The following FSIP2 variants were observed in gnomAD, a reference collection of about 807,000 sequenced individuals.
FSIP2 encodes the protein fibrous sheath-interacting protein 2.
A neutral mutation model predicts 510.5 loss-of-function variants in FSIP2; 367 were observed. The observed-to-expected ratio is 0.72, with a 90% CI of 0.66 to 0.78. FSIP2 has a LOEUF of 0.78. Ranked by LOEUF, FSIP2 falls within the 30% of genes least tolerant of loss-of-function variation. FSIP2 has a pLI of 0.00. For missense variants in FSIP2, 7,594 were observed against 7,901.7 expected, an observed-to-expected ratio of 0.96 and a Z score of 1.48; for synonymous variants, 2,601 against 2,732.2, an observed-to-expected ratio of 0.95 and a Z score of 1.50.
At chr2:185,738,508 G>A, upstream of FSIP2, 1 of 1,161,118 alleles carries the variant, frequency 8.6e-7, no homozygotes, top group East Asian at 2.6e-5. Flanking sequence ...CAATCACTCG[G>A]GAATTTTTAT....
At chr2:185,777,199 T>C (rs889942151) in intron 13 of FSIP2, among the ~76,000 whole-genome samples, 1 of 152,130 alleles carries the variant, frequency 6.6e-6, no homozygotes, top group Non-Finnish European at 1.5e-5. Flanking sequence ...AATAACAGAG[T>C]GCTGTAAAGT....
Position 185,809,099 on chromosome 2 carries a change from A to C in FSIP2, c.19793A>C (p.Asp6598Ala). 6.3e-7 allele frequency: 1 copy of C among 1,589,978 alleles called. No individual in the cohort carries two copies. Among genetic ancestry groups the C allele is most frequent in the Non-Finnish European group, 8.5e-7 (1 of 1,172,398 alleles). Residue 6598 changes from aspartate to alanine, a missense_variant, in exon 17 of 23, where the codon GAT becomes GCT. Transcript: ENST00000424728. ...AAGACAGAAAGACGTACCTCATTGG[A>C]TAAGACTGGAAGACTGGATGTAAAA... ...KRKTERRTSLDKTGRLDVKPL... is the reference protein window; with the variant it reads ...KRKTERRTSLAKTGRLDVKPL...
Position 185,795,888 on chromosome 2 carries a change from A to G in FSIP2, c.8752A>G (p.Arg2918Gly), listed in dbSNP as rs1248939734. 6.5e-7 allele frequency: 1 copy of G among 1,533,590 alleles called. No homozygotes were observed. Among genetic ancestry groups the G allele is most frequent in the Non-Finnish European group, 8.7e-7 (1 of 1,145,702 alleles). 95.0% of individuals were successfully genotyped at this position (1,533,590 alleles called of 1,614,324 possible). ...TAAAGCACAAATTAATATGTTTGGA[A>G]GGGAAATTGTTGAAATGCTACTTGA... ...DTKAQINMFG[R>G]EIVEMLLEKL... The change falls in exon 16 of 23, where the codon AGG (arginine) becomes GGG (glycine). Residue 2918 changes from arginine to glycine, a missense_variant. Arg to Gly is a moderately radical substitution (Grantham distance 125). Coordinates refer to ENST00000424728, the MANE Select transcript of FSIP2 (RefSeq NM_173651.4).
At position 185,792,684 on chromosome 2, in the gene FSIP2, G is replaced by A. The variant is rs1186121576; in HGVS notation, c.5548G>A (p.Val1850Ile). The stretch of plus-strand genomic sequence containing the variant: ...AGTAACAGATAATATTGTTAGGACT[G>A]TATTTCACAAACTTTATTCAGCTGC... ...TIVTDNIVRTVFHKLYSAAMT... is the reference protein window; with the variant it reads ...TIVTDNIVRTIFHKLYSAAMT... The change falls in exon 16 of 23, where the codon GTA (valine) becomes ATA (isoleucine). Residue 1850 changes from valine to isoleucine, a missense_variant. Physicochemically the swap from Val to Ile is conservative, Grantham distance 29. Coordinates refer to ENST00000424728, the MANE Select transcript of FSIP2 (RefSeq NM_173651.4). The A allele has an allele frequency of 6.5e-7, 1 of 1,533,252 alleles. No homozygotes were observed. The highest frequency in any genetic ancestry group is 8.7e-7 in the Non-Finnish European group (1 of 1,144,984). The allele number at this position is 1,533,252 out of a possible 1,614,324, so 95.0% of individuals were successfully genotyped here. A position where few individuals can be genotyped will look rare whatever the true frequency, so the allele number is the denominator to read the frequency against.
intron 13 of FSIP2, among the ~76,000 whole-genome samples, chr2:185,776,935 G>C (rs1692737611): frequency 6.6e-6 from 1 of 152,042 alleles, no homozygotes; most frequent in Admixed American, 6.5e-5. Flanking sequence ...TGTTGGTCAG[G>C]CTGGTCTCGG....
intron 9 of FSIP2, among the ~76,000 whole-genome samples, 169 bp downstream of exon 9, chr2:185,756,447 T>C (rs542206635): frequency 1.3e-5 from 2 of 151,638 alleles, no homozygotes; most frequent in East Asian, 1.9e-4. Context: ...TTATTGCTTT[T>C]AGAATTTGAT....
chr2:185,740,147 A>C (rs926870581), intron 2 of FSIP2, among the ~76,000 whole-genome samples: 1 of 152,128 alleles, frequency 6.6e-6, no homozygotes, highest in Admixed American at 6.6e-5. Context: ...TATTTTGTCA[A>C]CTTTGCCCCC....
intron 13 of FSIP2, among the ~76,000 whole-genome samples, chr2:185,770,821 T>G (rs554911138): frequency 1.3e-5 from 2 of 152,200 alleles, no homozygotes; most frequent in Non-Finnish European, 2.9e-5. Context: ...TGAGACTTAA[T>G]GTATATTGCC....
In FSIP2 at chr2:185,828,170, C is replaced by T. The variant is rs1266536261; in HGVS notation, c.20488C>T (p.Gln6830Ter). Residue 6830 changes from glutamine to a stop codon, truncating the protein, a stop_gained, in exon 21 of 23, where the codon CAA becomes TAA. Transcript: ENST00000424728. LOFTEE classifies it high-confidence loss of function. ...AKILEESSQE[Q>*]KPEHGNSVKF... is the part of the protein sequence containing the mutation. ...AATCTCTACAGAAAGTTCTCAGGAA[C>T]AAAAGCCAGAGCATGGAAACAGTGT... The T allele has an allele frequency of 6.4e-7, 1 of 1,573,696 alleles. No homozygotes were observed. Among genetic ancestry groups the T allele is most frequent in the East Asian group, 2.2e-5 (1 of 44,464 alleles).
chr2:185,738,581 A>G, upstream of FSIP2: 1 of 1,533,514 alleles, frequency 6.5e-7, no homozygotes, highest in African/African-American at 1.4e-5. Context: ...AACAAAGCTT[A>G]TACGTTTTCG....
chr2:185,830,306 C>G (rs932856152), intron 21 of FSIP2, among the ~76,000 whole-genome samples: 3 of 151,796 alleles, frequency 2.0e-5, no homozygotes, highest in African/African-American at 4.8e-5. Context: ...TCTGACATAG[C>G]CAAGGTTTTG....
chr2:185,807,693 G>A lies in FSIP2; in HGVS notation c.18387G>A (p.Gln6129=). 1.9e-6 allele frequency: 3 copies of A among 1,612,820 alleles called. No individual in the cohort carries two copies. Among genetic ancestry groups the A allele is most frequent in the Non-Finnish European group, 2.5e-6 (3 of 1,179,242 alleles). ...TTCTACGAGAAGTGGCTAGCAATCA[G>A]CTGCAGAGCTATTTTTGTGGAGAGC... ...DLVLREVASN[Q]LQSYFCGELT... is the part of the protein sequence containing the mutation. Residue 6129 remains glutamine (Q), a synonymous_variant, in exon 17 of 23, where the codon CAG becomes CAA. Transcript: ENST00000424728.
intron 13 of FSIP2, among the ~76,000 whole-genome samples, chr2:185,771,012 A>C (rs1355955570): frequency 6.6e-6 from 1 of 152,152 alleles, no homozygotes. Context: ...CTCCAAAATA[A>C]TCTCCCTTGA....
chr2:185,829,936 A>G (rs1435168972), intron 21 of FSIP2, among the ~76,000 whole-genome samples: 1 of 151,910 alleles, frequency 6.6e-6, no homozygotes, highest in South Asian at 2.1e-4. Flanking sequence ...TCTGAGTTGT[A>G]CATATTTGGA....
intron 1 of FSIP2, 86 bp from the exon 2 acceptor site, chr2:185,739,260 C>T: frequency 7.4e-7 from 1 of 1,354,818 alleles, no homozygotes; most frequent in Non-Finnish European, 9.8e-7. Flanking sequence ...TCTTCGGAGT[C>T]TTTGGTTGCA....
chr2:185,829,232 G>T (rs1269270088), intron 21 of FSIP2, among the ~76,000 whole-genome samples: 4 of 151,808 alleles, frequency 2.6e-5, no homozygotes, highest in Non-Finnish European at 5.9e-5. Flanking sequence ...TAAAATTATG[G>T]TTAAAGTTGT....
In FSIP2 at chr2:185,790,735, T is replaced by C. The variant is rs1193133111; in HGVS notation, c.3599T>C (p.Ile1200Thr). 2 of 1,532,950 alleles carry C rather than the reference T, an allele frequency of 1.3e-6. No individual in the cohort carries two copies. Among genetic ancestry groups the C allele is most frequent in the East Asian group, 2.4e-5 (1 of 40,846 alleles). The allele number at this position is 1,532,950 out of a possible 1,614,324, so 95.0% of individuals were successfully genotyped here. Residue 1200 changes from isoleucine (I) to threonine (T), a missense_variant, in exon 16 of 23, where the codon ATT becomes ACT. Physicochemically the swap from Ile to Thr is moderately conservative, Grantham distance 89. Transcript: ENST00000424728. ...TCCATTTCATCATCAGTTCATCAGA[T>C]TTCCTTACATAATTCTGACACTGAA... is the stretch of plus-strand genomic sequence containing the variant. ...KSSISSSVHQISLHNSDTEHI... is the reference protein window; with the variant it reads ...KSSISSSVHQTSLHNSDTEHI...
chr2:185,753,653 T>G (rs1159025844), intron 7 of FSIP2, 69 bp from the exon 8 acceptor site: 1 of 704,882 alleles, frequency 1.4e-6, no homozygotes, highest in Admixed American at 3.6e-5. Flanking sequence ...TGTCACATTT[T>G]AAATGATTTG....
intron 15 of FSIP2, among the ~76,000 whole-genome samples, chr2:185,787,057 AG>A (rs1260379156): frequency 6.6e-6 from 1 of 151,802 alleles, no homozygotes; most frequent in Non-Finnish European, 1.5e-5. Context: ...GTAATAATGT[AG>A]GTTTTTGTTT....
Sources: gnomAD v4.1 joint callset for allele counts (sites outside exome capture counted in the v4.1 genomes callset) on GRCh38, gnomAD v4.1.1 for gene constraint, MANE v1.5 for transcripts, NCBI Gene and HGNC (gene_info 2026-07-23, HGNC 2026-07-21) for gene names.